Variants in PCDH7 observed in about 807,000 individuals in gnomAD.
PCDH7 encodes protocadherin-7.
Under a neutral mutation model 58.9 loss-of-function variants are expected in PCDH7, and 17 were observed. That is an observed-to-expected ratio of 0.29 (90% CI 0.20 to 0.43). The LOEUF is 0.43. Among genes scored for constraint, PCDH7 ranks in the 20% least tolerant of loss-of-function variants. The probability of loss-of-function intolerance (pLI) is 1.00; values close to 1 mark genes in which losing one functional copy is unlikely to be tolerated. For missense variants in PCDH7, 1,274 were observed against 1,441.0 expected, an observed-to-expected ratio of 0.88 and a Z score of 1.88; for synonymous variants, 664 against 616.4, an observed-to-expected ratio of 1.08 and a Z score of -1.14.
At chr4:30,988,965 T>C (rs1436068813) in intron 3 of PCDH7, among the ~76,000 whole-genome samples, 2 of 152,196 alleles carry the variant, frequency 1.3e-5, no homozygotes, top group Admixed American at 6.5e-5. Flanking sequence ...TCTTTTTTAA[T>C]TGAAAGTTCA....
chr4:30,975,143 T>TTTTG (rs1375190000), intron 3 of PCDH7, among the ~76,000 whole-genome samples: 2 of 138,764 alleles, frequency 1.4e-5, no homozygotes, highest in South Asian at 2.5e-4. Context: ...TTCCCTTTCA[T>TTTTG]TGTGTGTGTG....
intron 3 of PCDH7, among the ~76,000 whole-genome samples, chr4:30,998,627 C>T (rs1021504606): frequency 6.6e-6 from 1 of 152,082 alleles, no homozygotes; most frequent in Non-Finnish European, 1.5e-5. Flanking sequence ...GTCCAGCAAC[C>T]ATGTTTTCAC....
At chr4:31,118,755 T>C (rs1717297286) in intron 3 of PCDH7, among the ~76,000 whole-genome samples, 1 of 152,074 alleles carries the variant, frequency 6.6e-6, no homozygotes, top group South Asian at 2.1e-4. Context: ...AACACTAACA[T>C]AGAAAGAGCT....
intron 1 of PCDH7, chr4:30,786,797 G>C: frequency 2.1e-6 from 2 of 969,676 alleles, no homozygotes; most frequent in Non-Finnish European, 2.5e-6. Context: ...GTATGTGCTC[G>C]TAAGTGAAAT....
At chr4:31,142,937 A>C in exon 4 of PCDH7, 1 of 998,160 alleles carries the variant, frequency 1.0e-6, no homozygotes, top group South Asian at 1.5e-5. Flanking sequence ...GTTTAATCAC[A>C]AAGAGGGGGC....
intron 1 of PCDH7, among the ~76,000 whole-genome samples, chr4:30,742,004 T>A (rs1198876577): frequency 1.2e-4 from 18 of 152,218 alleles, no homozygotes; most frequent in Admixed American, 1.2e-3. Context: ...TTGCAAGATG[T>A]TTCCTGGATA....
At chr4:30,764,277 C>A (rs1468331653) in intron 1 of PCDH7, among the ~76,000 whole-genome samples, 1 of 152,146 alleles carries the variant, frequency 6.6e-6, no homozygotes, top group South Asian at 2.1e-4. Context: ...AATGAGTCTT[C>A]ATGTATTCTG....
intron 1 of PCDH7, among the ~76,000 whole-genome samples, chr4:30,739,262 C>T (rs1328951580): frequency 6.7e-6 from 1 of 149,762 alleles, no homozygotes; most frequent in African/African-American, 2.5e-5. Flanking sequence ...ATTCCTCCTT[C>T]TTTTCCTTTG....
chr4:31,000,669 T>G (rs1752292699), intron 3 of PCDH7, among the ~76,000 whole-genome samples: 1 of 152,120 alleles, frequency 6.6e-6, no homozygotes, highest in African/African-American at 2.4e-5. Flanking sequence ...TATTCCTCAA[T>G]TCTCCTTGCC....
intron 3 of PCDH7, among the ~76,000 whole-genome samples, chr4:31,020,088 T>C (rs1753909149): frequency 6.6e-6 from 1 of 152,166 alleles, no homozygotes; most frequent in African/African-American, 2.4e-5. Context: ...TACAGACCCC[T>C]AGTCCCATTG....
chr4:31,098,118 A>G (rs934047057), intron 3 of PCDH7, among the ~76,000 whole-genome samples: 1 of 152,200 alleles, frequency 6.6e-6, no homozygotes, highest in African/African-American at 2.4e-5. Flanking sequence ...GACAAATTGA[A>G]TCAGAACATA....
chr4:30,935,237 A>G (rs2109430355), intron 2 of PCDH7: 1 of 533,214 alleles, frequency 1.9e-6, no homozygotes, highest in Non-Finnish European at 2.4e-6. Flanking sequence ...TTCTACAACA[A>G]TCTTTTTCCA....
At chr4:30,932,009 A>G (rs1744661959) in intron 2 of PCDH7, among the ~76,000 whole-genome samples, 1 of 152,168 alleles carries the variant, frequency 6.6e-6, no homozygotes, top group South Asian at 2.1e-4. Context: ...CTTACTTAAA[A>G]TTAAAAGAAT....
chr4:31,017,995 T>C (rs766053701), intron 3 of PCDH7, among the ~76,000 whole-genome samples: 4 of 152,172 alleles, frequency 2.6e-5, no homozygotes, highest in Non-Finnish European at 5.9e-5. Context: ...CTTGTTTTAA[T>C]TATAAATTAG....
intron 3 of PCDH7, among the ~76,000 whole-genome samples, chr4:30,999,204 G>C (rs1752149463): frequency 6.6e-6 from 1 of 152,112 alleles, no homozygotes; most frequent in African/African-American, 2.4e-5. Flanking sequence ...TAACTACTTA[G>C]AGACCCAGGT....
chr4:31,103,466 C>T (rs1715157863), intron 3 of PCDH7, among the ~76,000 whole-genome samples: 1 of 152,022 alleles, frequency 6.6e-6, no homozygotes. Context: ...TCCCAAGTAG[C>T]TGGGATTACA....
chr4:30,728,777 A>C (rs1291806840), intron 1 of PCDH7, among the ~76,000 whole-genome samples: 1 of 150,996 alleles, frequency 6.6e-6, no homozygotes, highest in African/African-American at 2.4e-5. Context: ...TGGCAAAATC[A>C]TTTTTTCTTA....
At chr4:30,872,227 T>A (rs565691623) in intron 1 of PCDH7, among the ~76,000 whole-genome samples, 104 of 152,192 alleles carry the variant, frequency 6.8e-4, no homozygotes, top group African/African-American at 2.5e-3. Flanking sequence ...CATATCAGAA[T>A]TCTTTTAATT....
rs192591902 is a variant in PCDH7 at position 31,137,036 on chromosome 4, G to A, written c.*8-5437G>A. 5.8e-3 allele frequency among the ~76,000 whole-genome samples: 881 copies of A among 152,230 alleles called. 8 individuals carry two copies. Among genetic ancestry groups the A allele is most frequent in the African/African-American group, 0.02 (850 of 41,524 alleles). On this transcript the variant is annotated intron_variant, in intron 3 of 3. Transcript: ENST00000509759. ...TTTCATTTAGACTAATGACAGTGAA[G>A]GGAATGTTAAAACATTTGTTGTAAA...
Sources: allele counts gnomAD v4.1 joint callset (sites outside exome capture counted in the v4.1 genomes callset), GRCh38; gene constraint gnomAD v4.1.1; transcripts MANE v1.5; gene names NCBI Gene and HGNC (gene_info 2026-07-23, HGNC 2026-07-21).